WWOX: variants seen among roughly 807,000 people sequenced by gnomAD.
WWOX encodes the protein WW domain containing oxidoreductase.
Under a neutral mutation model 46.2 loss-of-function variants are expected in WWOX, and 69 were observed. That is an observed-to-expected ratio of 1.49 (90% confidence interval 1.23 to 1.82). The LOEUF (loss-of-function observed/expected upper bound fraction) is 1.82. Among genes scored for constraint, WWOX ranks in the 40% most tolerant of loss-of-function variants. The pLI is 0.00. For missense variants in WWOX, 919 were observed against 542.6 expected (o/e 1.69, Z -6.89); for synonymous variants, 359 against 202.6 (o/e 1.77, Z -6.56).
intron 8 of WWOX, among the ~76,000 whole-genome samples, chr16:78,545,607 G>A (rs1036178386): frequency 3.3e-5 from 5 of 152,186 alleles, no homozygotes; most frequent in Non-Finnish European, 5.9e-5. Flanking sequence ...AATAGTCATG[G>A]TTGGCGATTA....
At chr16:78,334,928 A>ATTT (rs879854078) in intron 5 of WWOX, among the ~76,000 whole-genome samples, 59 of 148,090 alleles carry the variant, frequency 4.0e-4, no homozygotes, top group African/African-American at 1.4e-3. Flanking sequence ...TTTTTTTAAA[A>ATTT]AAAAAAAAAA....
At chr16:78,574,410 G>A (rs548838440) in intron 8 of WWOX, among the ~76,000 whole-genome samples, 1 of 152,276 alleles carries the variant, frequency 6.6e-6, no homozygotes, top group South Asian at 2.1e-4. Flanking sequence ...GCCACAACTT[G>A]AAGTATCTTC....
At chr16:78,982,169 A>G (rs1345027121) in intron 8 of WWOX, among the ~76,000 whole-genome samples, 1 of 146,432 alleles carries the variant, frequency 6.8e-6, no homozygotes, top group African/African-American at 2.5e-5. Context: ...AATAAAAAGA[A>G]ACGACCCCAA....
intron 4 of WWOX, among the ~76,000 whole-genome samples, chr16:78,122,245 AG>A (rs1320975248): frequency 1.3e-5 from 2 of 152,126 alleles, no homozygotes; most frequent in Admixed American, 6.6e-5. Context: ...CCCGAGGATA[AG>A]GGGGGGCTAC....
chr16:79,029,765 T>C (rs1408735864), intron 8 of WWOX, among the ~76,000 whole-genome samples: 1 of 152,212 alleles, frequency 6.6e-6, no homozygotes, highest in African/African-American at 2.4e-5. Flanking sequence ...ATCTCAATTA[T>C]TAATTGTACC....
At chr16:79,165,626 T>C (rs2050578729) in intron 8 of WWOX, among the ~76,000 whole-genome samples, 1 of 152,172 alleles carries the variant, frequency 6.6e-6, no homozygotes, top group Non-Finnish European at 1.5e-5. Flanking sequence ...TTCTCAGGAC[T>C]CATTGTCCAG....
At chr16:78,847,602 G>C (rs2052334365) in intron 8 of WWOX, among the ~76,000 whole-genome samples, 2 of 151,790 alleles carry the variant, frequency 1.3e-5, no homozygotes. Flanking sequence ...CCTAAGTGTT[G>C]GGATTACAGA....
intron 5 of WWOX, among the ~76,000 whole-genome samples, chr16:78,326,241 C>G (rs2080611221): frequency 6.6e-6 from 1 of 152,162 alleles, no homozygotes; most frequent in African/African-American, 2.4e-5. Flanking sequence ...CACAAAAGGG[C>G]AAAACACAAC....
At chr16:78,313,032 A>AAGGGAAGG in intron 5 of WWOX, among the ~76,000 whole-genome samples, 2 of 142,658 alleles carry the variant, frequency 1.4e-5, no homozygotes, top group African/African-American at 5.8e-5. Flanking sequence ...TTTGTGTCCT[A>AAGGGAAGG]CTAACACCAG....
At chr16:78,817,046 G>A (rs1218327217) in intron 8 of WWOX, among the ~76,000 whole-genome samples, 2 of 152,048 alleles carry the variant, frequency 1.3e-5, no homozygotes, top group Non-Finnish European at 2.9e-5. Context: ...ACAGTCTGAA[G>A]TACGTTTGTG....
intron 5 of WWOX, among the ~76,000 whole-genome samples, chr16:78,184,141 G>A (rs1268066087): frequency 6.6e-6 from 1 of 152,082 alleles, no homozygotes; most frequent in Non-Finnish European, 1.5e-5. Flanking sequence ...CTCAGCAGCC[G>A]CAGCCACTTA....
chr16:78,714,552 C>T (rs1410673502), intron 8 of WWOX, among the ~76,000 whole-genome samples: 1 of 151,932 alleles, frequency 6.6e-6, no homozygotes, highest in Non-Finnish European at 1.5e-5. Context: ...CATGTCTTGG[C>T]AGCCATCTAT....
chr16:78,495,361 G>C (rs961272449), intron 8 of WWOX, among the ~76,000 whole-genome samples: 2 of 151,824 alleles, frequency 1.3e-5, no homozygotes, highest in Non-Finnish European at 2.9e-5. Context: ...GGCTGGTCTC[G>C]AACTCTTGAC....
At chr16:78,560,410 A>T (rs1273318597) in intron 8 of WWOX, among the ~76,000 whole-genome samples, 1 of 152,202 alleles carries the variant, frequency 6.6e-6, no homozygotes, top group African/African-American at 2.4e-5. Context: ...TGGGAGGCCG[A>T]GGTGGGTGGA....
intron 8 of WWOX, among the ~76,000 whole-genome samples, chr16:78,509,963 G>A (rs1190626909): frequency 3.3e-5 from 5 of 151,478 alleles, no homozygotes; most frequent in Non-Finnish European, 7.4e-5. Flanking sequence ...TAGCTGGCAT[G>A]GTGGCACATG....
At chr16:78,867,722 T>A (rs2151199218) in intron 8 of WWOX, among the ~76,000 whole-genome samples, 1 of 152,142 alleles carries the variant, frequency 6.6e-6, no homozygotes, top group South Asian at 2.1e-4. Context: ...GTGAGTTTCT[T>A]AAAGTCCTAC....
chr16:78,929,614 T>G (rs2045575022), intron 8 of WWOX, among the ~76,000 whole-genome samples: 1 of 152,096 alleles, frequency 6.6e-6, no homozygotes, highest in African/African-American at 2.4e-5. Context: ...CGGGATAAGA[T>G]TGCCAGGCCC....
chr16:78,793,402 C>G (rs1463552756), intron 8 of WWOX, among the ~76,000 whole-genome samples: 2 of 152,152 alleles, frequency 1.3e-5, no homozygotes, highest in African/African-American at 2.4e-5. Context: ...TGGAACTGCA[C>G]AGACTATACG....
At chr16:78,962,998 C>T (rs1321234970) in intron 8 of WWOX, among the ~76,000 whole-genome samples, 1 of 152,166 alleles carries the variant, frequency 6.6e-6, no homozygotes, top group Non-Finnish European at 1.5e-5. Context: ...CCACTGCCAT[C>T]CTACCAACAG....
Sources: allele counts gnomAD v4.1 joint callset (sites outside exome capture counted in the v4.1 genomes callset), GRCh38; gene constraint gnomAD v4.1.1; transcripts MANE v1.5; gene names NCBI Gene and HGNC (gene_info 2026-07-23, HGNC 2026-07-21).